The following CPQ variants were observed in gnomAD, a reference collection of about 807,000 sequenced individuals.
CPQ encodes carboxypeptidase Q, also known as Ser-Met dipeptidase.
A neutral mutation model predicts 45.7 loss-of-function variants in CPQ; 37 were observed. The ratio of observed to expected loss-of-function variants is 0.81; its 90% CI spans 0.62 to 1.07. The LOEUF (loss-of-function observed/expected upper bound fraction) is 1.07. Among genes scored for constraint, CPQ ranks in the 50% least tolerant of loss-of-function variants. The pLI is 0.00. For missense variants in CPQ, 537 were observed against 572.9 expected, an observed-to-expected ratio of 0.94 and a Z score of 0.64; for synonymous variants, 186 against 205.8, an observed-to-expected ratio of 0.90 and a Z score of 0.82.
At chr8:96,890,582 C>G (rs1417560288) in intron 4 of CPQ, among the ~76,000 whole-genome samples, 1 of 152,154 alleles carries the variant, frequency 6.6e-6, no homozygotes, top group African/African-American at 2.4e-5. Flanking sequence ...TCTTCCTTAC[C>G]TCCATTATGG....
chr8:96,890,051 T>C (rs1476276072), intron 4 of CPQ, among the ~76,000 whole-genome samples: 2 of 152,170 alleles, frequency 1.3e-5, no homozygotes, highest in African/African-American at 4.8e-5. Flanking sequence ...CCTGAAATCG[T>C]ATATAATCTC....
At chr8:97,046,890 C>T (rs1465482336) in intron 6 of CPQ, among the ~76,000 whole-genome samples, 2 of 152,166 alleles carry the variant, frequency 1.3e-5, no homozygotes, top group Non-Finnish European at 2.9e-5. Flanking sequence ...GGGAAAGGAA[C>T]ATAATAGTAG....
intron 6 of CPQ, among the ~76,000 whole-genome samples, chr8:97,039,945 A>G (rs1343323680): frequency 4.0e-5 from 6 of 151,312 alleles, no homozygotes; most frequent in Admixed American, 6.6e-5. Flanking sequence ...ATAAACATAC[A>G]TGTGCATGTG....
intron 5 of CPQ, among the ~76,000 whole-genome samples, chr8:97,023,152 G>A (rs935107583): frequency 4.0e-5 from 6 of 149,304 alleles, no homozygotes; most frequent in South Asian, 2.1e-4. Context: ...CCATAAAAAC[G>A]AATGAATTAA....
chr8:96,775,971 G>A (rs1290322945), intron 1 of CPQ, among the ~76,000 whole-genome samples: 1 of 152,224 alleles, frequency 6.6e-6, no homozygotes, highest in Non-Finnish European at 1.5e-5. Context: ...GGAAAAGGGG[G>A]AATGGATATT....
intron 1 of CPQ, among the ~76,000 whole-genome samples, chr8:96,755,695 G>C (rs911908701): frequency 9.2e-5 from 14 of 151,894 alleles, no homozygotes; most frequent in Admixed American, 5.9e-4. Context: ...TGGTTTACTT[G>C]ATCTATTACA....
At chr8:97,002,094 G>A (rs767113109) in intron 5 of CPQ, among the ~76,000 whole-genome samples, 2 of 152,014 alleles carry the variant, frequency 1.3e-5, no homozygotes, top group Non-Finnish European at 2.9e-5. Context: ...TTGTATTTCT[G>A]TGGAGTCAGG....
Position 96,802,245 on chromosome 8 carries a change from C to T in CPQ, c.433+16915C>T, listed in dbSNP as rs547249125. ...CATTTGCAGCTATGTCAGGTTAGTGCTCTAGAATTAATTAGAGCTTCTATC... is the reference window on the plus strand; with the variant it reads ...CATTTGCAGCTATGTCAGGTTAGTGTTCTAGAATTAATTAGAGCTTCTATC... On this transcript the variant is annotated intron_variant, in intron 2 of 7. Coordinates refer to ENST00000220763, the MANE Select transcript of CPQ (RefSeq NM_016134.4). Among the ~76,000 whole-genome samples the T allele has an allele frequency of 3.3e-5, 5 of 152,232 alleles. No individual in the cohort carries two copies. The East Asian group carries it at 9.6e-4, about 29-fold the overall frequency.
intron 1 of CPQ, among the ~76,000 whole-genome samples, chr8:96,736,831 A>C (rs1347925087): frequency 6.6e-6 from 1 of 152,050 alleles, no homozygotes; most frequent in African/African-American, 2.4e-5. Context: ...TAAATTAGAG[A>C]TTTTCTGAAT....
At chr8:96,916,381 A>G (rs905839282) in intron 4 of CPQ, among the ~76,000 whole-genome samples, 1 of 152,188 alleles carries the variant, frequency 6.6e-6, no homozygotes, top group African/African-American at 2.4e-5. Context: ...ATTCTTTATT[A>G]TACAACTTTA....
At chr8:96,707,061 C>A (rs557162128) in intron 1 of CPQ, among the ~76,000 whole-genome samples, 1 of 152,098 alleles carries the variant, frequency 6.6e-6, no homozygotes, top group African/African-American at 2.4e-5. Flanking sequence ...TTTCTCCTGG[C>A]AACATATAGT....
chr8:96,841,001 C>T (rs1811600182), intron 3 of CPQ, among the ~76,000 whole-genome samples: 1 of 152,146 alleles, frequency 6.6e-6, no homozygotes, highest in Admixed American at 6.5e-5. Flanking sequence ...GGGATGTCCC[C>T]CCTCTTATCT....
intron 6 of CPQ, among the ~76,000 whole-genome samples, chr8:97,043,867 G>C (rs1366758574): frequency 1.3e-5 from 2 of 152,178 alleles, no homozygotes; most frequent in African/African-American, 4.8e-5. Context: ...TTAGTCTTAT[G>C]GGCTTCCCTT....
At chr8:96,806,157 G>A (rs1461231867) in intron 2 of CPQ, among the ~76,000 whole-genome samples, 1 of 152,164 alleles carries the variant, frequency 6.6e-6, no homozygotes, top group Non-Finnish European at 1.5e-5. Flanking sequence ...TGCTGTTTTG[G>A]TGGGCAATAT....
At chr8:96,964,458 CTGAG>C (rs1323036164) in intron 4 of CPQ, among the ~76,000 whole-genome samples, 2 of 152,002 alleles carry the variant, frequency 1.3e-5, no homozygotes, top group African/African-American at 4.8e-5. Context: ...GATAATGAAG[CTGAG>C]TATCGTTTTT....
At chr8:97,129,418 G>T (rs1811901549) in intron 7 of CPQ, among the ~76,000 whole-genome samples, 2 of 152,100 alleles carry the variant, frequency 1.3e-5, no homozygotes, top group Non-Finnish European at 2.9e-5. Context: ...GTAAAATGAG[G>T]ATAATAATAA....
At chr8:96,801,692 G>A (rs1275985387) in intron 2 of CPQ, among the ~76,000 whole-genome samples, 2 of 152,064 alleles carry the variant, frequency 1.3e-5, no homozygotes, top group Non-Finnish European at 2.9e-5. Context: ...CTAAAAGTGT[G>A]GATAATGTTC....
At chr8:96,934,115 G>T (rs952078711) in intron 4 of CPQ, among the ~76,000 whole-genome samples, 1 of 152,152 alleles carries the variant, frequency 6.6e-6, no homozygotes, top group Non-Finnish European at 1.5e-5. Context: ...TGGAGTCTAG[G>T]GACCTAGATT....
intron 4 of CPQ, among the ~76,000 whole-genome samples, chr8:96,887,053 A>G (rs139517457): frequency 1.3e-5 from 2 of 152,170 alleles, no homozygotes; most frequent in African/African-American, 4.8e-5. Flanking sequence ...AGAGGATCTG[A>G]TGAATGCATC....
Sources: gnomAD v4.1 joint callset for allele counts (sites outside exome capture counted in the v4.1 genomes callset) on GRCh38, gnomAD v4.1.1 for gene constraint, MANE v1.5 for transcripts, NCBI Gene and HGNC (gene_info 2026-07-23, HGNC 2026-07-21) for gene names.